Variants in VWDE observed in about 807,000 individuals in gnomAD.
VWDE encodes the protein von Willebrand factor D and EGF domain-containing protein.
In VWDE, 207 loss-of-function variants were observed where a neutral mutation model predicts 178.4. That is an observed-to-expected ratio of 1.16 (90% CI 1.04 to 1.30). The LOEUF is 1.30. VWDE is among the 50% of genes most tolerant of loss of function. The pLI is 0.00. For synonymous variants in VWDE, 738 were observed against 651.4 expected, an observed-to-expected ratio of 1.13 and a Z score of -2.02; for missense variants, 2,287 against 1,901.3, an observed-to-expected ratio of 1.20 and a Z score of -3.77.
intron 15 of VWDE, 50 bp from the exon 16 acceptor site, chr7:12,359,742 A>C (rs1243466570): frequency 8.6e-7 from 1 of 1,166,142 alleles, no homozygotes; most frequent in Admixed American, 2.5e-5. Context: ...GCGTGTAGAA[A>C]AAAAAAAGTA....
rs1289566162 is a variant in VWDE at position 12,375,121 on chromosome 7, G to A, written c.1131C>T (p.Tyr377=). ...CTCGAGAAAAATCTGTGACAGCAGT[G>A]TAGTACACAAAAGTGTGGCTACAGG... ...NGTCSHTFVY[Y]TAVTDFSRDG... is the part of the protein sequence containing the mutation. The change falls in exon 8 of 29, where the codon TAC becomes TAT. Residue 377 remains tyrosine, a synonymous_variant. Transcript: ENST00000275358. 6.4e-7 allele frequency: 1 copy of A among 1,551,250 alleles called. No individual in the cohort carries two copies. The highest frequency in any genetic ancestry group is 1.2e-5 in the South Asian group (1 of 84,062).
chr7:12,372,614 T>A (rs1374149829), intron 10 of VWDE, among the ~76,000 whole-genome samples: 1 of 152,156 alleles, frequency 6.6e-6, no homozygotes, highest in African/African-American at 2.4e-5. Context: ...TACACTTATC[T>A]ACCACTGTAT....
At chr7:12,382,043 A>T (rs1003208705) in intron 4 of VWDE, among the ~76,000 whole-genome samples, 30 of 151,854 alleles carry the variant, frequency 2.0e-4, no homozygotes, top group African/African-American at 7.2e-4. Context: ...CAAAATTAGT[A>T]TTCCTTTGTC....
chr7:12,363,866 G>T (rs1428859879), intron 13 of VWDE, among the ~76,000 whole-genome samples: 2 of 151,982 alleles, frequency 1.3e-5, no homozygotes, highest in Non-Finnish European at 2.9e-5. Context: ...AAACCTAGTT[G>T]TATTATAAAT....
At chr7:12,381,849 T>A (rs931681604) in intron 4 of VWDE, among the ~76,000 whole-genome samples, 6 of 151,842 alleles carry the variant, frequency 4.0e-5, no homozygotes, top group African/African-American at 7.2e-5. Flanking sequence ...TTATTAAGAA[T>A]AAGAGAAGAC....
chr7:12,344,453 T>A lies in VWDE; in HGVS notation c.3903A>T (p.Pro1301=). 6.5e-7 allele frequency: 1 copy of A among 1,550,202 alleles called. No homozygotes were observed. The highest frequency in any genetic ancestry group is 8.7e-7 in the Non-Finnish European group (1 of 1,146,326). ...SGNAFTICKY[P]CGKSRECVAP... ...CAACACACTCCCTACTTTTTCCACA[T>A]GGATATTTACAAATGGCTAAAAAAA... is the stretch of plus-strand genomic sequence containing the variant. The change falls in exon 20 of 29, where the codon CCA becomes CCT. Residue 1301 remains proline, a synonymous_variant. Coordinates refer to ENST00000275358, the MANE Select transcript of VWDE (RefSeq NM_001135924.3).
In VWDE at chr7:12,369,635, G is replaced by T. The variant is rs1276003279; in HGVS notation, c.2671C>A (p.Pro891Thr). Residue 891 changes from proline to threonine, a missense_variant, in exon 12 of 29, where the codon CCC (proline) becomes ACC (threonine). Coordinates refer to ENST00000275358, the MANE Select transcript of VWDE (RefSeq NM_001135924.3). ...TGCCCATTGCCGCTGCATAAATTGGGGCATTTTAATACTGAGAGAATGTCT... is the reference window on the plus strand; with the variant it reads ...TGCCCATTGCCGCTGCATAAATTGGTGCATTTTAATACTGAGAGAATGTCT... The part of the protein sequence containing the change: ...IEDILSVLKC[P>T]NLCSGNGQCM... The T allele has an allele frequency of 6.4e-7, 1 of 1,551,412 alleles. No homozygotes were observed. The highest frequency in any genetic ancestry group is 8.7e-7 in the Non-Finnish European group (1 of 1,146,832).
intron 1 of VWDE, among the ~76,000 whole-genome samples, chr7:12,394,554 T>C (rs180823260): frequency 3.2e-4 from 48 of 152,218 alleles, no homozygotes; most frequent in African/African-American, 1.1e-3. Context: ...GCACTAAAAG[T>C]GGACAGAAGA....
chr7:12,389,117 G>A lies in VWDE; in HGVS notation c.475+10C>T. ...AATAACAGTCATGTGAATTACTGGT[G>A]TTTTCTTACCTTCCGCACAGTAGCC... is the stretch of plus-strand genomic sequence containing the variant. On this transcript the variant is annotated intron_variant, in intron 3 of 28. Coordinates refer to ENST00000275358, the MANE Select transcript of VWDE (RefSeq NM_001135924.3). 1 of 1,510,024 alleles carries A rather than the reference G, an allele frequency of 6.6e-7. No individual in the cohort carries two copies. Among genetic ancestry groups the A allele is most frequent in the Non-Finnish European group, 9.0e-7 (1 of 1,109,364 alleles). 93.5% of individuals were successfully genotyped at this position (1,510,024 alleles called of 1,614,324 possible).
At chr7:12,397,395 T>C (rs1037264519) in intron 1 of VWDE, among the ~76,000 whole-genome samples, 1 of 152,120 alleles carries the variant, frequency 6.6e-6, no homozygotes, top group African/African-American at 2.4e-5. Flanking sequence ...GTACCCCTAC[T>C]TTTCACCATA....
At chr7:12,389,087 C>T (rs1255238434) in intron 3 of VWDE, 40 bp downstream of exon 3, 1 of 1,324,556 alleles carries the variant, frequency 7.5e-7, no homozygotes, top group East Asian at 2.5e-5. Context: ...TGGCAGAGTT[C>T]CATGAATAAC....
intron 18 of VWDE, chr7:12,354,320 A>T: frequency 7.5e-6 from 3 of 402,546 alleles, no homozygotes; most frequent in South Asian, 3.7e-5. Flanking sequence ...CAGCAAAAAA[A>T]ATCTCATAGC....
chr7:12,386,935 A>G (rs769028196), intron 3 of VWDE, among the ~76,000 whole-genome samples: 1 of 152,234 alleles, frequency 6.6e-6, no homozygotes, highest in African/African-American at 2.4e-5. Flanking sequence ...TGAAATGATT[A>G]GTGCGTTATT....
chr7:12,373,225 C>T lies in VWDE; in HGVS notation c.1339G>A (p.Gly447Arg), dbSNP rs763855901. ...ATACTCTTATAAAGCACAAATGTTC[C>T]AGTCTTGAAATTATCATATACCCTA... is the stretch of plus-strand genomic sequence containing the variant. ...DGRVYDNFKT[G>R]TFVLYKSMSR... is the part of the protein sequence containing the mutation. Residue 447 changes from glycine to arginine, a missense_variant, in exon 10 of 29, where the codon GGA becomes AGA. By Grantham distance (125) the Gly-to-Arg change is moderately radical. Transcript: ENST00000275358. 85 of 1,551,110 alleles carry T rather than the reference C, an allele frequency of 5.5e-5. 3 individuals are homozygous for T. In the Middle Eastern group the frequency reaches 1.2e-3, roughly 21 times the overall value.
rs1355243966 is a variant in VWDE, at chr7:12,370,884, A to C, written c.1588-20T>G. On this transcript the variant is annotated intron_variant, in intron 10 of 28. Transcript: ENST00000275358. The stretch of plus-strand genomic sequence containing the variant: ...CCAGATCTGAAAAACAGAAATAAAT[A>C]CAGAAATAAAAGATGTTGAAGCAAT... 6.7e-7 allele frequency: 1 copy of C among 1,487,054 alleles called. No homozygotes were observed. The highest frequency in any genetic ancestry group is 1.4e-5 in the African/African-American group (1 of 70,364). The allele number at this position is 1,487,054 out of a possible 1,614,324, so 92.1% of individuals were successfully genotyped here. A position where few individuals can be genotyped will look rare whatever the true frequency, so the allele number is the denominator to read the frequency against.
At chr7:12,375,316 T>C (rs1038929941) in intron 7 of VWDE, 89 bp from the exon 8 acceptor site, 100 of 1,004,010 alleles carry the variant, frequency 1.0e-4, no homozygotes, top group Non-Finnish European at 1.4e-4. Flanking sequence ...AACACTGAAT[T>C]GTAAGATTAT....
intron 18 of VWDE, among the ~76,000 whole-genome samples, chr7:12,351,995 C>A (rs1280607493): frequency 6.6e-6 from 1 of 152,068 alleles, no homozygotes; most frequent in African/African-American, 2.4e-5. Flanking sequence ...GAGTGGCACC[C>A]TAATCCAATA....
chr7:12,347,694 G>A lies in VWDE; in HGVS notation c.3887-3225C>T, dbSNP rs547073320. On this transcript the variant is annotated intron_variant, in intron 19 of 28. Transcript: ENST00000275358. The stretch of plus-strand genomic sequence containing the variant: ...ATGCCATCCCCATCAAGCTACCAAC[G>A]ACTTTCTTCACAGAATTGGAAAAAA... Among the ~76,000 whole-genome samples, 288 of 152,052 alleles carry A rather than the reference G, an allele frequency of 1.9e-3. 3 individuals are homozygous for A. The highest frequency in any genetic ancestry group is 6.3e-3 in the African/African-American group (262 of 41,462).
chr7:12,395,448 C>T (rs1042091571), intron 1 of VWDE, among the ~76,000 whole-genome samples: 2 of 152,090 alleles, frequency 1.3e-5, no homozygotes, highest in Non-Finnish European at 2.9e-5. Context: ...TAGTATTCCT[C>T]CTTACTCAGC....
Sources: allele counts gnomAD v4.1 joint callset (sites outside exome capture counted in the v4.1 genomes callset), GRCh38; gene constraint gnomAD v4.1.1; transcripts MANE v1.5; gene names NCBI Gene and HGNC (gene_info 2026-07-23, HGNC 2026-07-21).